The following ZNF84 variants were observed in gnomAD, a reference collection of about 807,000 sequenced individuals.
ZNF84 encodes the protein zinc finger protein 84.
In ZNF84, 12 loss-of-function variants were observed where a neutral mutation model predicts 14.8. That is an observed-to-expected ratio of 0.81 (90% CI 0.52 to 1.31). The LOEUF (loss-of-function observed/expected upper bound fraction) is 1.31. Among genes scored for constraint, ZNF84 ranks in the 50% most tolerant of loss-of-function variants. ZNF84 has a pLI of 0.00. For synonymous variants in ZNF84, 347 were observed against 291.1 expected (o/e 1.19, Z -1.96); for missense variants, 859 against 878.6 (o/e 0.98, Z 0.28).
intron 1 of ZNF84, among the ~76,000 whole-genome samples, chr12:133,039,394 TGTAG>T (rs1953846951): frequency 6.6e-6 from 1 of 152,226 alleles, no homozygotes; most frequent in African/African-American, 2.4e-5. Context: ...TGTTTGTGCA[TGTAG>T]ATATGCACAA....
intron 4 of ZNF84, among the ~76,000 whole-genome samples, chr12:133,055,240 G>A (rs1376129419): frequency 2.0e-5 from 3 of 151,994 alleles, no homozygotes; most frequent in Non-Finnish European, 4.4e-5. Context: ...CTGTGAAATA[G>A]AAAATACTGA....
chr12:133,039,998 C>T (rs2137319327), intron 1 of ZNF84, among the ~76,000 whole-genome samples: 1 of 152,082 alleles, frequency 6.6e-6, no homozygotes, highest in East Asian at 1.9e-4. Flanking sequence ...TGCATGCCAC[C>T]ACGCCTGGTT....
Position 133,057,235 on chromosome 12 carries a change from G to C in ZNF84, c.520G>C (p.Asp174His). 6.2e-7 allele frequency: 1 copy of C among 1,613,910 alleles called. No homozygotes were observed. Among genetic ancestry groups the C allele is most frequent in the Non-Finnish European group, 8.5e-7 (1 of 1,179,994 alleles). ...TCTCCATTCCAAGCCTGAGGATACT[G>C]ATACCTGGTTAAAATACTATGACTG... ...FFLHSKPEDT[D>H]TWLKYYDCDK... is the part of the protein sequence containing the mutation. The change falls in exon 5 of 5, where the codon GAT becomes CAT. Residue 174 changes from aspartate (D) to histidine (H), a missense_variant. By Grantham distance (81) the Asp-to-His change is moderately conservative. Transcript: ENST00000539354.
chr12:133,048,861 G>C lies in ZNF84; in HGVS notation c.238+13G>C. On this transcript the variant is annotated intron_variant, in intron 4 of 4. Coordinates refer to ENST00000539354, the MANE Select transcript of ZNF84 (RefSeq NM_001289971.2). ...TCAGATTCTCCAGGTGAGTGTATGA[G>C]AACCAGGCAGATGGGAGAGAGCAGA... is the stretch of plus-strand genomic sequence containing the variant. 6.2e-7 allele frequency: 1 copy of C among 1,603,970 alleles called. No homozygotes were observed. Among genetic ancestry groups the C allele is most frequent in the East Asian group, 2.2e-5 (1 of 44,692 alleles).
rs3805729 is a variant in ZNF84 at position 133,058,257 on chromosome 12, A to G, written c.1542A>G (p.Pro514=). The G allele has an allele frequency of 1.1e-5, 18 of 1,612,496 alleles. No individual in the cohort carries two copies. Among genetic ancestry groups the G allele is most frequent in the East Asian group, 6.7e-5 (3 of 44,756 alleles). ...AAAGAATTCATACAGGAGAAAAACC[A>G]TATGTATGCAGTGAATGTGGGAAAG... ...NHQRIHTGEK[P]YVCSECGKAF... The change falls in exon 5 of 5, where the codon CCA becomes CCG. Residue 514 remains proline, a synonymous_variant. Transcript: ENST00000539354.
intron 1 of ZNF84, among the ~76,000 whole-genome samples, chr12:133,040,008 T>A (rs1221628254): frequency 6.6e-6 from 1 of 152,122 alleles, no homozygotes; most frequent in Non-Finnish European, 1.5e-5. Context: ...CACGCCTGGT[T>A]TATTTTTGTA....
chr12:133,051,197 C>T (rs1208150191), intron 4 of ZNF84, among the ~76,000 whole-genome samples: 2 of 151,240 alleles, frequency 1.3e-5, no homozygotes, highest in Non-Finnish European at 2.9e-5. Flanking sequence ...TAGTTGAGAT[C>T]CACTCACCTA....
Position 133,058,006 on chromosome 12 carries a change from CA to C in ZNF84, c.1292del (p.His431LeufsTer21). The part of the protein sequence containing the change: ...HQRTHTGEKP[H>X]GCIQCGKAFS... The stretch of plus-strand genomic sequence containing the variant: ...GAGAACACATACAGGAGAGAAACCT[CA>C]TGGATGCATTCAGTGTGGGAAGGCC... On this transcript the variant is annotated frameshift_variant, in exon 5 of 5. Coordinates refer to ENST00000539354, the MANE Select transcript of ZNF84 (RefSeq NM_001289971.2). LOFTEE classifies it low-confidence loss of function (END_TRUNC). 6.2e-7 allele frequency: 1 copy of C among 1,612,656 alleles called. No individual in the cohort carries two copies. The highest frequency in any genetic ancestry group is 1.1e-5 in the South Asian group (1 of 90,968).
At chr12:133,044,098 A>G (rs1953936400) in intron 2 of ZNF84, among the ~76,000 whole-genome samples, 1 of 151,660 alleles carries the variant, frequency 6.6e-6, no homozygotes, top group African/African-American at 2.4e-5. Context: ...TTTTCTTTAG[A>G]TTTGATTAGA....
At chr12:133,053,461 C>T (rs2137398106) in intron 4 of ZNF84, among the ~76,000 whole-genome samples, 2 of 152,290 alleles carry the variant, frequency 1.3e-5, no homozygotes, top group South Asian at 4.1e-4. Flanking sequence ...CTAACAGTGT[C>T]AATTGTGGGG....
chr12:133,038,635 A>C, intron 1 of ZNF84, among the ~76,000 whole-genome samples: 1 of 20,112 alleles, frequency 5.0e-5, no homozygotes, highest in African/African-American at 8.4e-5. Context: ...TGAGATTCTG[A>C]TTGGAGTCGA....
At position 133,057,744 on chromosome 12, in the gene ZNF84, T is replaced by C; in HGVS notation, c.1029T>C (p.Gly343=). ...NLINHQRIHT[G]EKPFECRECG... is the part of the protein sequence containing the mutation. ...TTAACCATCAGAGAATTCATACCGG[T>C]GAGAAGCCTTTTGAATGCAGGGAAT... Residue 343 remains glycine (G), a synonymous_variant, in exon 5 of 5, where the codon GGT becomes GGC. Coordinates refer to ENST00000539354, the MANE Select transcript of ZNF84 (RefSeq NM_001289971.2). 1 of 1,613,302 alleles carries C rather than the reference T, an allele frequency of 6.2e-7. No homozygotes were observed.
chr12:133,049,777 C>T (rs1232544620), intron 4 of ZNF84, among the ~76,000 whole-genome samples: 4 of 152,230 alleles, frequency 2.6e-5, no homozygotes, highest in African/African-American at 9.6e-5. Flanking sequence ...CTGCATATGG[C>T]CGAATAACCC....
At chr12:133,054,755 A>G (rs1954125212) in intron 4 of ZNF84, among the ~76,000 whole-genome samples, 3 of 151,946 alleles carry the variant, frequency 2.0e-5, no homozygotes, top group Non-Finnish European at 4.4e-5. Context: ...TTTTTTTTAA[A>G]TTTAATTTTT....
In ZNF84 at chr12:133,057,954, A is replaced by G; in HGVS notation, c.1239A>G (p.Arg413=). The change falls in exon 5 of 5, where the codon AGA becomes AGG. Residue 413 remains arginine, a synonymous_variant. Coordinates refer to ENST00000539354, the MANE Select transcript of ZNF84 (RefSeq NM_001289971.2). ...YECSECRKAF[R]ERSSLINHQR... ...GCAGCGAGTGTAGGAAAGCATTTAG[A>G]GAGAGGTCGAGTCTCATTAATCATC... The G allele has an allele frequency of 1.2e-6, 2 of 1,613,522 alleles. No homozygotes were observed. Among genetic ancestry groups the G allele is most frequent in the African/African-American group, 1.3e-5 (1 of 74,842 alleles).
In ZNF84 at chr12:133,047,973, G is replaced by A; in HGVS notation, c.34G>A (p.Asp12Asn). 1.9e-6 allele frequency: 3 copies of A among 1,613,886 alleles called. No individual in the cohort carries two copies. The highest frequency in any genetic ancestry group is 1.1e-5 in the South Asian group (1 of 91,038). ...TMLQESFSFD[D>N]LSVDFTQKEW... ...CTTACAGGAGTCATTCTCATTTGAC[G>A]ATTTATCTGTGGACTTCACCCAAAA... The change falls in exon 3 of 5, where the codon GAT (aspartate) becomes AAT (asparagine). Residue 12 changes from aspartate to asparagine, a missense_variant. Transcript: ENST00000539354.
intron 1 of ZNF84, 84 bp downstream of exon 1, chr12:133,037,629 C>T (rs1953805204): frequency 6.7e-6 from 1 of 150,338 alleles, no homozygotes; most frequent in Admixed American, 6.6e-5. Flanking sequence ...CCGCGGGGAG[C>T]TTCGGCTTCA....
intron 4 of ZNF84, among the ~76,000 whole-genome samples, chr12:133,054,622 C>CTTTTTTTTTT (rs137958416): frequency 7.0e-6 from 1 of 143,276 alleles, no homozygotes; most frequent in Non-Finnish European, 1.5e-5. Context: ...AGTGGCTTTC[C>CTTTTTTTTTT]TTTTTTTTTT....
chr12:133,058,574 C>A lies in ZNF84; in HGVS notation c.1859C>A (p.Thr620Asn). The part of the protein sequence containing the change: ...EKSELIRHLR[T>N]HTGEKPYECN... ...TCGGAGCTAATTAGACATCTGAGAA[C>A]TCATACAGGAGAAAAACCTTATGAA... The change falls in exon 5 of 5, where the codon ACT becomes AAT. Residue 620 changes from threonine to asparagine, a missense_variant. Thr to Asn is a moderately conservative substitution (Grantham distance 65). Coordinates refer to ENST00000539354, the MANE Select transcript of ZNF84 (RefSeq NM_001289971.2). 20 of 1,613,994 alleles carry A rather than the reference C, an allele frequency of 1.2e-5. No individual in the cohort carries two copies. Among genetic ancestry groups the A allele is most frequent in the Non-Finnish European group, 1.7e-5 (20 of 1,179,974 alleles).
Sources: gnomAD v4.1 joint callset for allele counts (sites outside exome capture counted in the v4.1 genomes callset) on GRCh38, gnomAD v4.1.1 for gene constraint, MANE v1.5 for transcripts, NCBI Gene and HGNC (gene_info 2026-07-23, HGNC 2026-07-21) for gene names.